Variants in SLC38A6 observed in about 807,000 individuals in gnomAD.
SLC38A6 encodes N system amino acid transporter NAT-1.
A neutral mutation model predicts 65.0 loss-of-function variants in SLC38A6; 73 were observed. The ratio of observed to expected loss-of-function variants is 1.12; its 90% confidence interval spans 0.93 to 1.37. The LOEUF is 1.37. Among genes scored for constraint, SLC38A6 ranks in the 40% most tolerant of loss-of-function variants. SLC38A6 has a pLI of 0.00. For synonymous variants in SLC38A6, 183 were observed against 178.8 expected (o/e 1.02, Z -0.19); for missense variants, 561 against 531.1 (o/e 1.06, Z -0.55).
At chr14:61,030,347 T>C in intron 5 of SLC38A6, 98 bp from the exon 6 acceptor site, 1 of 779,326 alleles carries the variant, frequency 1.3e-6, no homozygotes, top group Non-Finnish European at 2.1e-6. Flanking sequence ...CCATATGTTG[T>C]CATAGCTCTA....
intron 15 of SLC38A6, among the ~76,000 whole-genome samples, chr14:61,070,028 A>C (rs2043177008): frequency 6.6e-6 from 1 of 152,202 alleles, no homozygotes; most frequent in South Asian, 2.1e-4. Flanking sequence ...TAACATTATG[A>C]CTTTTTTTAG....
downstream of SLC38A6, chr14:61,053,079 C>A: frequency 6.6e-6 from 1 of 151,976 alleles, no homozygotes. Flanking sequence ...TCTTTGTGTT[C>A]ATAAGTTCTT....
At chr14:61,075,782 TGTGTG>T (rs2043384920) in intron 15 of SLC38A6, among the ~76,000 whole-genome samples, 2 of 6,196 alleles carry the variant, frequency 3.2e-4, no homozygotes, top group Admixed American at 1.5e-3. Context: ...CCTGTTTGTG[TGTGTG>T]TGTGTGTGTG....
At chr14:61,017,314 A>T (rs1174165064) in intron 4 of SLC38A6, among the ~76,000 whole-genome samples, 2 of 152,200 alleles carry the variant, frequency 1.3e-5, no homozygotes, top group Non-Finnish European at 2.9e-5. Flanking sequence ...TGCTGGGATT[A>T]CAGCGTTAGC....
chr14:61,008,288 G>A (rs2039299986), intron 3 of SLC38A6, among the ~76,000 whole-genome samples: 2 of 128,470 alleles, frequency 1.6e-5, no homozygotes, highest in African/African-American at 5.9e-5. Context: ...TATTTTTTCA[G>A]CATTCCACTG....
chr14:61,079,934 C>A (rs1160822531), intron 16 of SLC38A6, among the ~76,000 whole-genome samples: 1 of 152,172 alleles, frequency 6.6e-6, no homozygotes, highest in Non-Finnish European at 1.5e-5. Flanking sequence ...ATGTGTAGAG[C>A]TTCTAGAACA....
intron 3 of SLC38A6, among the ~76,000 whole-genome samples, chr14:61,009,759 A>T (rs1428083104): frequency 6.6e-6 from 1 of 152,150 alleles, no homozygotes; most frequent in African/African-American, 2.4e-5. Context: ...TATGTGCCAC[A>T]TTTTCTTAAT....
At chr14:60,986,035 C>T (rs966624457) in intron 3 of SLC38A6, among the ~76,000 whole-genome samples, 1 of 152,222 alleles carries the variant, frequency 6.6e-6, no homozygotes, top group African/African-American at 2.4e-5. Flanking sequence ...AACACCTCCC[C>T]TTTGGCCCTA....
Position 61,046,051 on chromosome 14 carries a change from C to A in SLC38A6, c.825-16C>A. On this transcript the variant is annotated splice_polypyrimidine_tract_variant and intron_variant, in intron 11 of 15. Transcript: ENST00000267488. ...TTCAGATCACTTATTCTACCTTTGTCATTTTTGTCTTTTAGTCCTTCAAAG... is the reference window on the plus strand; with the variant it reads ...TTCAGATCACTTATTCTACCTTTGTAATTTTTGTCTTTTAGTCCTTCAAAG... 8.0e-6 allele frequency: 12 copies of A among 1,508,354 alleles called. No individual in the cohort carries two copies. The highest frequency in any genetic ancestry group is 1.1e-5 in the Non-Finnish European group (12 of 1,088,762). 93.4% of individuals were successfully genotyped at this position (1,508,354 alleles called of 1,614,324 possible).
chr14:61,039,136 T>A (rs960887465), intron 8 of SLC38A6, among the ~76,000 whole-genome samples: 1 of 152,186 alleles, frequency 6.6e-6, no homozygotes, highest in African/African-American at 2.4e-5. Context: ...ATTGATATGA[T>A]ATGTCTACTG....
At chr14:61,028,856 C>T (rs1327337593) in intron 5 of SLC38A6, among the ~76,000 whole-genome samples, 1 of 152,120 alleles carries the variant, frequency 6.6e-6, no homozygotes, top group East Asian at 1.9e-4. Flanking sequence ...ATAGTATTAT[C>T]TATCTCCATA....
Position 61,037,044 on chromosome 14 carries a change from C to T in SLC38A6, c.483-15C>T, listed in dbSNP as rs778960653. On this transcript the variant is annotated splice_polypyrimidine_tract_variant and intron_variant, in intron 6 of 15. Transcript: ENST00000267488. ...CTGGAGTCCCATGCCTAAAGTAGAA[C>T]TTTTTTTATAATAGATATTGGTATC... 2.0e-6 allele frequency: 3 copies of T among 1,485,186 alleles called. 1 individual carries two copies. Among genetic ancestry groups the T allele is most frequent in the Non-Finnish European group, 9.1e-7 (1 of 1,094,744 alleles). 92.0% of individuals were successfully genotyped at this position (1,485,186 alleles called of 1,614,324 possible).
chr14:61,004,838 G>A (rs1044096951), intron 3 of SLC38A6, among the ~76,000 whole-genome samples: 5 of 152,164 alleles, frequency 3.3e-5, no homozygotes, highest in Non-Finnish European at 7.3e-5. Context: ...CTCATTGTAT[G>A]AGGCCAGCAT....
intron 15 of SLC38A6, among the ~76,000 whole-genome samples, chr14:61,068,681 A>G (rs1035551768): frequency 6.6e-6 from 1 of 152,148 alleles, no homozygotes; most frequent in Non-Finnish European, 1.5e-5. Context: ...TAGTGCTTTT[A>G]ACTTTACCCT....
At chr14:60,999,558 C>T (rs996544989) in intron 3 of SLC38A6, among the ~76,000 whole-genome samples, 8 of 152,102 alleles carry the variant, frequency 5.3e-5, no homozygotes, top group African/African-American at 1.9e-4. Flanking sequence ...GTAATGCTTC[C>T]CGAAAAGGTA....
At chr14:61,080,954 T>C (rs933351814) in intron 16 of SLC38A6, among the ~76,000 whole-genome samples, 2 of 152,220 alleles carry the variant, frequency 1.3e-5, no homozygotes, top group Non-Finnish European at 2.9e-5. Flanking sequence ...AAGGTTCACA[T>C]TGTTGAGTCT....
chr14:61,032,480 C>T (rs1309409120), intron 6 of SLC38A6, among the ~76,000 whole-genome samples: 2 of 151,642 alleles, frequency 1.3e-5, no homozygotes, highest in Non-Finnish European at 3.0e-5. Flanking sequence ...AAATGAACTT[C>T]CATCTCATTC....
At chr14:61,049,118 C>T (rs1165081809) in intron 12 of SLC38A6, among the ~76,000 whole-genome samples, 4 of 152,080 alleles carry the variant, frequency 2.6e-5, no homozygotes, top group Non-Finnish European at 5.9e-5. Context: ...GCTGTTATGC[C>T]TGTTTGGGGT....
At chr14:61,010,752 T>C (rs1051599384) in intron 3 of SLC38A6, among the ~76,000 whole-genome samples, 18 of 152,222 alleles carry the variant, frequency 1.2e-4, no homozygotes, top group Admixed American at 2.0e-4. Flanking sequence ...ATATCTGTTT[T>C]GGTACCAGTA....
Sources: gnomAD v4.1 joint callset for allele counts (sites outside exome capture counted in the v4.1 genomes callset) on GRCh38, gnomAD v4.1.1 for gene constraint, MANE v1.5 for transcripts, NCBI Gene and HGNC (gene_info 2026-07-23, HGNC 2026-07-21) for gene names.